TTC7A: variants seen among roughly 807,000 people sequenced by gnomAD.
TTC7A encodes tetratricopeptide repeat domain 7A, also known as tetratricopeptide repeat protein 7A.
A neutral mutation model predicts 103.7 loss-of-function variants in TTC7A; 110 were observed. The observed-to-expected ratio is 1.06, with a 90% CI of 0.91 to 1.24. The LOEUF is 1.24. Ranked by LOEUF, TTC7A falls within the 50% of genes most tolerant of loss-of-function variation. TTC7A has a pLI of 0.00. For synonymous variants in TTC7A, 521 were observed against 467.9 expected (o/e 1.11, Z -1.47); for missense variants, 1,340 against 1,116.3 (o/e 1.20, Z -2.86).
chr2:47,006,597 G>A, intron 9 of TTC7A, 44 bp from the exon 10 acceptor site: 1 of 1,543,534 alleles, frequency 6.5e-7, no homozygotes, highest in South Asian at 1.1e-5. Context: ...GGCTGGGGTG[G>A]GAGGACCCCT....
intron 7 of TTC7A, among the ~76,000 whole-genome samples, chr2:46,994,720 C>G (rs1675986159): frequency 6.6e-6 from 1 of 152,354 alleles, no homozygotes; most frequent in South Asian, 2.1e-4. Flanking sequence ...TCCTATAAGG[C>G]ACTCGGAGAC....
chr2:46,997,721 C>G (rs942866540), intron 8 of TTC7A, among the ~76,000 whole-genome samples: 4 of 152,134 alleles, frequency 2.6e-5, no homozygotes, highest in African/African-American at 9.7e-5. Flanking sequence ...AAGGAGGTGA[C>G]TTTGGGGATC....
At chr2:46,949,192 C>A (rs1671192623) in intron 1 of TTC7A, among the ~76,000 whole-genome samples, 1 of 152,160 alleles carries the variant, frequency 6.6e-6, no homozygotes, top group Non-Finnish European at 1.5e-5. Context: ...GACGAGTTTT[C>A]AGTGTGGTAA....
intron 12 of TTC7A, 71 bp from the exon 13 acceptor site, chr2:47,023,337 G>A: frequency 6.6e-7 from 1 of 1,524,304 alleles, no homozygotes; most frequent in Non-Finnish European, 9.1e-7. Flanking sequence ...TGTGCTTTGA[G>A]GATGGTGCAG....
chr2:47,033,611 G>A (rs1006600094), intron 15 of TTC7A, among the ~76,000 whole-genome samples: 3 of 152,222 alleles, frequency 2.0e-5, no homozygotes, highest in Admixed American at 2.0e-4. Context: ...TGTGCCACCT[G>A]CAGCAACTTA....
At chr2:46,947,324 C>G (rs1671026958) in intron 1 of TTC7A, among the ~76,000 whole-genome samples, 1 of 152,140 alleles carries the variant, frequency 6.6e-6, no homozygotes, top group South Asian at 2.1e-4. Flanking sequence ...AAGTGTCTGG[C>G]CCATACTAAG....
intron 19 of TTC7A, among the ~76,000 whole-genome samples, 190 bp downstream of exon 19, chr2:47,061,161 C>G (rs955571999): frequency 1.3e-5 from 2 of 152,192 alleles, no homozygotes; most frequent in Non-Finnish European, 2.9e-5. Flanking sequence ...ACTTAGCCTT[C>G]TCTTGTAGAC....
At chr2:46,967,610 ATATTG>A (rs1458530662) in intron 3 of TTC7A, among the ~76,000 whole-genome samples, 5 of 152,086 alleles carry the variant, frequency 3.3e-5, no homozygotes, top group Non-Finnish European at 7.3e-5. Context: ...AGGCTGAATA[ATATTG>A]TATTGTATGT....
intron 15 of TTC7A, among the ~76,000 whole-genome samples, chr2:47,031,585 C>T (rs1680543691): frequency 6.6e-6 from 1 of 152,182 alleles, no homozygotes; most frequent in Non-Finnish European, 1.5e-5. Flanking sequence ...TGCCTCAGCT[C>T]GGCATCAGAA....
chr2:47,073,013 C>G (rs550188524), intron 19 of TTC7A, among the ~76,000 whole-genome samples: 1 of 152,104 alleles, frequency 6.6e-6, no homozygotes, highest in African/African-American at 2.4e-5. Flanking sequence ...GTGACCCAGA[C>G]CCCCCAGGCC....
chr2:46,922,195 G>A (rs1460595695), intron 2 of TTC7A, among the ~76,000 whole-genome samples: 4 of 152,070 alleles, frequency 2.6e-5, no homozygotes, highest in Non-Finnish European at 5.9e-5. Flanking sequence ...GATTTTAACC[G>A]TGGAGTATTT....
intron 14 of TTC7A, among the ~76,000 whole-genome samples, chr2:47,027,667 C>T (rs779541030): frequency 6.6e-6 from 1 of 152,232 alleles, no homozygotes; most frequent in Non-Finnish European, 1.5e-5. Context: ...CCAAAACGAG[C>T]AGGATCAATC....
intron 3 of TTC7A, among the ~76,000 whole-genome samples, chr2:46,957,942 C>T (rs1307902972): frequency 6.6e-6 from 1 of 152,174 alleles, no homozygotes; most frequent in Non-Finnish European, 1.5e-5. Flanking sequence ...TAGATAGGGA[C>T]ATTCTCACTA....
chr2:46,959,176 GT>G (rs1245097505), intron 3 of TTC7A, among the ~76,000 whole-genome samples: 1 of 152,234 alleles, frequency 6.6e-6, no homozygotes, highest in Non-Finnish European at 1.5e-5. Flanking sequence ...AAGCCCTCAT[GT>G]TACAGTTGAG....
Position 46,935,863 on chromosome 2 carries a change from G to C in TTC7A, c.83-14500G>C, listed in dbSNP as rs781024842. Among the ~76,000 whole-genome samples, 31 of 152,170 alleles carry C rather than the reference G, an allele frequency of 2.0e-4. 1 individual carries two copies. Among genetic ancestry groups the C allele is most frequent in the Non-Finnish European group, 4.6e-4 (31 of 68,052 alleles). On this transcript the variant is annotated intron_variant, in intron 2 of 20. Coordinates refer to the TTC7A transcript ENST00000409245. ...CTAGAGACTAGGGAGGCTGAGGTGG[G>C]AGGATTGCTAGTGGCCAGGAGTTTT...
chr2:46,967,770 TA>T (rs1672987245), intron 3 of TTC7A, among the ~76,000 whole-genome samples: 2 of 152,216 alleles, frequency 1.3e-5, no homozygotes, highest in Non-Finnish European at 2.9e-5. Flanking sequence ...CTTTTGGGTA[TA>T]TACCTGGAAG....
rs139757801 is a variant in TTC7A at position 46,919,488 on chromosome 2, G to A, written c.82+2211G>A. The stretch of plus-strand genomic sequence containing the variant: ...GCAGAGGTTGAGGTGAGCTGAGATC[G>A]CACCATTGCTCTTCAGCCTGGGCAG... On this transcript the variant is annotated intron_variant, in intron 2 of 20. Coordinates refer to the TTC7A transcript ENST00000409245. 7.4e-3 allele frequency among the ~76,000 whole-genome samples: 1,122 copies of A among 152,346 alleles called. 4 individuals carry two copies. Among genetic ancestry groups the A allele is most frequent in the Middle Eastern group, 0.017 (5 of 294 alleles).
intron 5 of TTC7A, among the ~76,000 whole-genome samples, chr2:46,980,877 A>G (rs1255968958): frequency 3.3e-5 from 5 of 152,186 alleles, no homozygotes; most frequent in African/African-American, 7.2e-5. Flanking sequence ...TTTACTTGCT[A>G]GATGACTGGT....
At chr2:46,954,871 G>A (rs922950418) in intron 2 of TTC7A, among the ~76,000 whole-genome samples, 4 of 152,040 alleles carry the variant, frequency 2.6e-5, no homozygotes, top group African/African-American at 9.7e-5. Flanking sequence ...GTACCCGGCC[G>A]AGCATTTTTT....
Sources: gnomAD v4.1 joint callset for allele counts (sites outside exome capture counted in the v4.1 genomes callset) on GRCh38, gnomAD v4.1.1 for gene constraint, MANE v1.5 for transcripts, NCBI Gene and HGNC (gene_info 2026-07-23, HGNC 2026-07-21) for gene names.